CDC73: variants seen among roughly 807,000 people sequenced by gnomAD.
The protein encoded by CDC73 is parafibromin.
Under a neutral mutation model 83.7 loss-of-function variants are expected in CDC73, and 21 were observed. The ratio of observed to expected loss-of-function variants is 0.25; its 90% confidence interval spans 0.18 to 0.36. The LOEUF is 0.36. CDC73 is among the 10% of genes least tolerant of loss of function. The pLI is 1.00. For synonymous variants in CDC73, 224 were observed against 212.9 expected (o/e 1.05, Z -0.45); for missense variants, 342 against 653.3 (o/e 0.52, Z 5.19).
chr1:193,145,613 T>A (rs1675984623), intron 7 of CDC73, among the ~76,000 whole-genome samples: 1 of 152,198 alleles, frequency 6.6e-6, no homozygotes, highest in Non-Finnish European at 1.5e-5. Context: ...AGAATTTAAA[T>A]TTTTTTCAAT....
At chr1:193,239,572 G>A (rs186983003) in intron 15 of CDC73, among the ~76,000 whole-genome samples, 297 of 152,014 alleles carry the variant, frequency 2.0e-3, no homozygotes, top group Non-Finnish European at 2.5e-3. Flanking sequence ...TATACTTGAC[G>A]TGGCTATATT....
intron 10 of CDC73, among the ~76,000 whole-genome samples, chr1:193,156,140 T>G (rs1194664971): frequency 6.6e-6 from 1 of 152,202 alleles, no homozygotes; most frequent in Non-Finnish European, 1.5e-5. Flanking sequence ...CTGTTTTTGT[T>G]AGTTTGCAAG....
intron 10 of CDC73, among the ~76,000 whole-genome samples, chr1:193,163,789 G>GT (rs1383555637): frequency 1.3e-5 from 2 of 151,654 alleles, no homozygotes; most frequent in Non-Finnish European, 2.9e-5. Context: ...AGATTTTTTT[G>GT]TTTTTTGAGA....
At chr1:193,174,355 A>T (rs116130377) in intron 10 of CDC73, among the ~76,000 whole-genome samples, 1,860 of 152,086 alleles carry the variant, frequency 0.012, 19 homozygotes, top group South Asian at 0.034. Context: ...TTCCTTTGAT[A>T]ATCTTTCTTT....
intron 2 of CDC73, among the ~76,000 whole-genome samples, chr1:193,129,392 G>A (rs563606655): frequency 4.6e-5 from 7 of 150,794 alleles, no homozygotes; most frequent in Middle Eastern, 3.5e-3. Flanking sequence ...TTGGCCTCCC[G>A]CAGTGCTGGG....
At chr1:193,237,498 T>C (rs1173754877) in intron 15 of CDC73, among the ~76,000 whole-genome samples, 2 of 152,104 alleles carry the variant, frequency 1.3e-5, no homozygotes, top group African/African-American at 4.8e-5. Context: ...ATAGCAAAGA[T>C]TAGATAACCT....
chr1:193,163,749 A>G (rs528555193), intron 10 of CDC73, among the ~76,000 whole-genome samples: 4 of 152,014 alleles, frequency 2.6e-5, no homozygotes, highest in Non-Finnish European at 5.9e-5. Context: ...TAAAGCTTTA[A>G]ACATCAGTGT....
chr1:193,122,368 G>C, intron 1 of CDC73, 37 bp downstream of exon 1: 1 of 1,613,480 alleles, frequency 6.2e-7, no homozygotes, highest in Non-Finnish European at 8.5e-7. Context: ...GGGTGGCAGG[G>C]CAGAGTTGGG....
chr1:193,140,539 A>C lies in CDC73; in HGVS notation c.513-1311A>C, dbSNP rs544377058. 3.9e-5 allele frequency among the ~76,000 whole-genome samples: 6 copies of C among 152,278 alleles called. No homozygotes were observed. The South Asian group carries it at 1.2e-3, about 32-fold the overall frequency. On this transcript the variant is annotated intron_variant, in intron 6 of 16. Transcript: ENST00000367435. Reference sequence around the variant, plus strand: ...GTGGCATATGCGAATTGCTGGCATCACTACTCTTGTGTTTTGGGGCCATTG... The same window carrying C: ...GTGGCATATGCGAATTGCTGGCATCCCTACTCTTGTGTTTTGGGGCCATTG...
intron 3 of CDC73, among the ~76,000 whole-genome samples, chr1:193,133,883 C>A (rs1572149147): frequency 6.7e-6 from 1 of 149,548 alleles, no homozygotes. Flanking sequence ...AAGAGAATTG[C>A]AAATTTAAAC....
In CDC73 at chr1:193,152,843, G is replaced by A. The variant is rs1264777920; in HGVS notation, c.972+399G>A. On this transcript the variant is annotated intron_variant, in intron 10 of 16. Coordinates refer to ENST00000367435, the MANE Select transcript of CDC73 (RefSeq NM_024529.5). ...CGCCCAGGCTGGAGTGCAGTGGTGC[G>A]ATCTCGGCTCACTGCAACCTCCGCC... Among the ~76,000 whole-genome samples the A allele has an allele frequency of 5.9e-5, 9 of 152,066 alleles. No homozygotes were observed. The East Asian group carries it at 1.7e-3, about 29-fold the overall frequency.
At chr1:193,166,662 T>C (rs961253132) in intron 10 of CDC73, among the ~76,000 whole-genome samples, 31 of 151,978 alleles carry the variant, frequency 2.0e-4, no homozygotes, top group African/African-American at 7.2e-4. Context: ...TTTTTTTTTT[T>C]TTTTGAGACC....
intron 1 of CDC73, among the ~76,000 whole-genome samples, chr1:193,122,750 C>T (rs1224096489): frequency 6.6e-6 from 1 of 151,902 alleles, no homozygotes; most frequent in Non-Finnish European, 1.5e-5. Context: ...ATGTAACTAT[C>T]TCCGCTGGTC....
intron 10 of CDC73, among the ~76,000 whole-genome samples, chr1:193,164,053 G>A (rs1676390495): frequency 6.6e-6 from 1 of 152,166 alleles, no homozygotes; most frequent in Non-Finnish European, 1.5e-5. Flanking sequence ...TTGCAAGCAT[G>A]AGCCACCATG....
intron 10 of CDC73, among the ~76,000 whole-genome samples, chr1:193,171,583 G>T (rs764410822): frequency 6.6e-6 from 1 of 152,112 alleles, no homozygotes; most frequent in Non-Finnish European, 1.5e-5. Flanking sequence ...AGTCAGCATT[G>T]GTGGATACAG....
At chr1:193,218,554 A>T (rs145297342) in intron 13 of CDC73, among the ~76,000 whole-genome samples, 153 of 152,334 alleles carry the variant, frequency 1.0e-3, no homozygotes, top group Non-Finnish European at 1.9e-3. Context: ...TAGTACTGGT[A>T]CAAAAACAGG....
chr1:193,177,358 C>CAAAAAAAAAAAAAA (rs10672869), intron 10 of CDC73, among the ~76,000 whole-genome samples: 61 of 69,488 alleles, frequency 8.8e-4, no homozygotes, highest in Non-Finnish European at 1.3e-3. Context: ...ACTAAAAATA[C>CAAAAAAAAAAAAAA]AAAAAAAAAA....
chr1:193,193,110 C>G (rs962448930), intron 10 of CDC73, among the ~76,000 whole-genome samples: 1 of 152,178 alleles, frequency 6.6e-6, no homozygotes, highest in African/African-American at 2.4e-5. Flanking sequence ...GCAAAGCAGA[C>G]AAGAGACATG....
chr1:193,202,228 G>C (rs879600043), intron 10 of CDC73, among the ~76,000 whole-genome samples: 1 of 152,032 alleles, frequency 6.6e-6, no homozygotes, highest in Non-Finnish European at 1.5e-5. Flanking sequence ...TCTAGGTGCA[G>C]TTCAGTTCAA....
Sources: allele counts gnomAD v4.1 joint callset (sites outside exome capture counted in the v4.1 genomes callset), GRCh38; gene constraint gnomAD v4.1.1; transcripts MANE v1.5; gene names NCBI Gene and HGNC (gene_info 2026-07-23, HGNC 2026-07-21).